The following TENM1 variants were observed in gnomAD, a reference collection of about 807,000 sequenced individuals.
TENM1 encodes the protein teneurin transmembrane protein 1, also known as teneurin-1.
In TENM1, 35 loss-of-function variants were observed where a neutral mutation model predicts 174.8. That is an observed-to-expected ratio of 0.20 (90% CI 0.15 to 0.27). The LOEUF is 0.27. Ranked by LOEUF, TENM1 falls within the 10% of genes least tolerant of loss-of-function variation. The pLI is 1.00. For missense variants in TENM1, 1,633 were observed against 2,130.1 expected (o/e 0.77, Z 4.59); for synonymous variants, 781 against 798.7 (o/e 0.98, Z 0.37).
intron 3 of TENM1, among the ~76,000 whole-genome samples, chrX:124,876,537 T>C: frequency 9.0e-6 from 1 of 111,608 alleles, no homozygotes; most frequent in Non-Finnish European, 1.9e-5. Flanking sequence ...GATATCAATT[T>C]TTTTTGCTTC....
intron 22 of TENM1, among the ~76,000 whole-genome samples, chrX:124,468,110 T>C (rs1431948144): frequency 9.0e-6 from 1 of 111,369 alleles, no homozygotes; most frequent in East Asian, 2.8e-4. Flanking sequence ...GAAAATAATA[T>C]TACAGACCAT....
At chrX:125,179,324 A>G in the TENM1 span, among the ~76,000 whole-genome samples, 1 of 110,804 alleles carries the variant, frequency 9.0e-6, no homozygotes, top group South Asian at 3.9e-4. Context: ...CTGATCATAA[A>G]TCTTGTTTAA....
At chrX:125,150,964 G>C in the TENM1 span, among the ~76,000 whole-genome samples, 1 of 112,313 alleles carries the variant, frequency 8.9e-6, no homozygotes, top group African/African-American at 3.2e-5. Flanking sequence ...AGTCAAACCA[G>C]TTCATGCACC....
chrX:124,638,009 G>A (rs1475697270), intron 11 of TENM1, among the ~76,000 whole-genome samples: 3 of 112,257 alleles, frequency 2.7e-5, no homozygotes, highest in African/African-American at 9.7e-5. Context: ...GGATGGAAGA[G>A]GAACATTTAA....
At chrX:124,457,690 C>G (rs113705342) in intron 22 of TENM1, among the ~76,000 whole-genome samples, 6 of 111,506 alleles carry the variant, frequency 5.4e-5, no homozygotes, top group African/African-American at 2.0e-4. Context: ...CACTGAGAGT[C>G]CAGATGTGGT....
At chrX:124,743,893 A>G (rs1429193436) in intron 3 of TENM1, among the ~76,000 whole-genome samples, 2 of 111,871 alleles carry the variant, frequency 1.8e-5, no homozygotes, top group Non-Finnish European at 3.8e-5. Flanking sequence ...ACATCCAGAA[A>G]GTCCAAATTT....
At chrX:124,814,195 C>T (rs1341411596) in intron 3 of TENM1, among the ~76,000 whole-genome samples, 2 of 110,759 alleles carry the variant, frequency 1.8e-5, no homozygotes, top group Non-Finnish European at 3.8e-5. Flanking sequence ...AATAACTATA[C>T]CCCAGTTTCA....
At chrX:124,516,770 A>G (rs1397053104) in intron 18 of TENM1, among the ~76,000 whole-genome samples, 3 of 112,150 alleles carry the variant, frequency 2.7e-5, no homozygotes, top group Non-Finnish European at 5.6e-5. Context: ...AGACCTAAAA[A>G]CAAAATTTCC....
chrX:124,718,064 A>G (rs975510415), intron 4 of TENM1, among the ~76,000 whole-genome samples: 5 of 112,149 alleles, frequency 4.5e-5, no homozygotes, highest in African/African-American at 1.6e-4. Context: ...TAGCCATCCT[A>G]TGTTATGTGC....
At chrX:125,062,315 A>C in the TENM1 span, among the ~76,000 whole-genome samples, 9 of 111,689 alleles carry the variant, frequency 8.1e-5, no homozygotes, top group East Asian at 2.5e-3. Flanking sequence ...AAATTTCCAT[A>C]AGATTAAGAT....
intron 23 of TENM1, among the ~76,000 whole-genome samples, chrX:124,449,197 A>T (rs1031473978): frequency 1.8e-5 from 2 of 111,812 alleles, no homozygotes; most frequent in African/African-American, 6.5e-5. Flanking sequence ...CCTCCAAAAA[A>T]ATCTACTGTA....
intron 7 of TENM1, 151 bp downstream of exon 10, chrX:124,653,433 T>C: frequency 2.2e-6 from 1 of 455,626 alleles, no homozygotes; most frequent in Non-Finnish European, 3.7e-6. Flanking sequence ...TTTTCATTAG[T>C]TTCAGTGTAA....
At chrX:124,758,101 C>T (rs1199477859) in intron 3 of TENM1, among the ~76,000 whole-genome samples, 6 of 111,630 alleles carry the variant, frequency 5.4e-5, no homozygotes, top group African/African-American at 2.0e-4. Context: ...GCAAACCATA[C>T]AGCTGAGAAG....
At chrX:124,815,949 G>C (rs902563218) in intron 3 of TENM1, among the ~76,000 whole-genome samples, 1 of 111,775 alleles carries the variant, frequency 8.9e-6, no homozygotes. Context: ...AGTTTCTTTA[G>C]GGGTTAAGTA....
chrX:125,166,310 A>C, the TENM1 span, among the ~76,000 whole-genome samples: 726 of 111,059 alleles, frequency 6.5e-3, 8 homozygotes, highest in African/African-American at 0.022. Flanking sequence ...TCCTCTGTCC[A>C]TTGTTCTCCA....
intron 22 of TENM1, among the ~76,000 whole-genome samples, chrX:124,460,731 T>A: frequency 1.0e-5 from 1 of 97,430 alleles, no homozygotes; most frequent in African/African-American, 3.9e-5. Flanking sequence ...GAACTTAAAG[T>A]AGAAGTTGAA....
At chrX:124,408,035 CAGA>C (rs2060482760) in intron 25 of TENM1, among the ~76,000 whole-genome samples, 1 of 111,911 alleles carries the variant, frequency 8.9e-6, no homozygotes. Context: ...CTACAAGAAG[CAGA>C]AGAACGGAGC....
intron 11 of TENM1, among the ~76,000 whole-genome samples, chrX:124,608,169 A>C (rs2050202788): frequency 9.0e-6 from 1 of 111,589 alleles, no homozygotes; most frequent in South Asian, 3.8e-4. Context: ...TGCTCTTGTT[A>C]GTATTATAAG....
At chrX:124,777,314 A>C (rs2054808471) in intron 3 of TENM1, among the ~76,000 whole-genome samples, 2 of 111,035 alleles carry the variant, frequency 1.8e-5, no homozygotes, top group African/African-American at 6.5e-5. Flanking sequence ...CCTATGTCTG[A>C]ATTCTGATTG....
Sources: allele counts gnomAD v4.1 joint callset (sites outside exome capture counted in the v4.1 genomes callset), GRCh38; gene constraint gnomAD v4.1.1; transcripts MANE v1.5; gene names NCBI Gene and HGNC (gene_info 2026-07-23, HGNC 2026-07-21).